The following GNPTAB variants were observed in gnomAD, a reference collection of about 807,000 sequenced individuals.
GNPTAB encodes the protein N-acetylglucosamine-1-phosphotransferase subunits alpha/beta.
A neutral mutation model predicts 136.6 loss-of-function variants in GNPTAB; 92 were observed. The ratio of observed to expected loss-of-function variants is 0.67; its 90% CI spans 0.57 to 0.80. The LOEUF is 0.80. GNPTAB is among the 30% of genes least tolerant of loss of function. The pLI is 0.00. For synonymous variants in GNPTAB, 512 were observed against 535.1 expected (o/e 0.96, Z 0.60); for missense variants, 1,343 against 1,501.8 (o/e 0.89, Z 1.75).
intron 1 of GNPTAB, among the ~76,000 whole-genome samples, chr12:101,798,943 A>G (rs1869455551): frequency 6.6e-6 from 1 of 152,344 alleles, no homozygotes; most frequent in Middle Eastern, 3.4e-3. Context: ...AAGTCATGTC[A>G]TTACAAGAAA....
chr12:101,803,364 A>C (rs1431181053), intron 1 of GNPTAB, among the ~76,000 whole-genome samples: 1 of 152,224 alleles, frequency 6.6e-6, no homozygotes, highest in Non-Finnish European at 1.5e-5. Flanking sequence ...TTAACCAGGA[A>C]GTAAAATCTG....
chr12:101,762,785 T>C (rs1258689954), intron 13 of GNPTAB, among the ~76,000 whole-genome samples: 1 of 151,682 alleles, frequency 6.6e-6, no homozygotes, highest in Admixed American at 6.6e-5. Flanking sequence ...CCCATCAAAC[T>C]ATTAACAGCA....
rs757775614 is a variant in GNPTAB, at chr12:101,764,443, G to GT, written c.2473dup (p.Thr825AsnfsTer37). The stretch of plus-strand genomic sequence containing the variant: ...TTCTTTTGTCACATTTCCGCCTATG[G>GT]TTTTTTGGGTGTGAGTTTCCACTCT... On this transcript the variant is annotated frameshift_variant, in exon 13 of 21. Transcript: ENST00000299314. LOFTEE classifies it high-confidence loss of function. 6.2e-7 allele frequency: 1 copy of GT among 1,613,472 alleles called. No homozygotes were observed. The highest frequency in any genetic ancestry group is 8.5e-7 in the Non-Finnish European group (1 of 1,180,002).
At chr12:101,798,598 T>G (rs1468444647) in intron 1 of GNPTAB, among the ~76,000 whole-genome samples, 1 of 152,236 alleles carries the variant, frequency 6.6e-6, no homozygotes, top group East Asian at 1.9e-4. Flanking sequence ...ATGGTACCGT[T>G]TGCAATTGAG....
chr12:101,821,037 G>A (rs532978840), intron 1 of GNPTAB, among the ~76,000 whole-genome samples: 51 of 145,666 alleles, frequency 3.5e-4, no homozygotes, highest in African/African-American at 9.0e-4. Flanking sequence ...CAGACTGGGC[G>A]GCAGAGTGAG....
At chr12:101,772,230 C>T (rs1328608146) in intron 7 of GNPTAB, among the ~76,000 whole-genome samples, 1 of 152,322 alleles carries the variant, frequency 6.6e-6, no homozygotes, top group Middle Eastern at 3.4e-3. Flanking sequence ...GGCCTGAAAA[C>T]CACAAATGTA....
In GNPTAB at chr12:101,761,627, C is replaced by T. The variant is rs777346722; in HGVS notation, c.2852G>A (p.Arg951Gln). Residue 951 changes from arginine (R) to glutamine (Q), a missense_variant, in exon 14 of 21, where the codon CGG becomes CAG. Coordinates refer to ENST00000299314, the MANE Select transcript of GNPTAB (RefSeq NM_024312.5). ...GTGAGGCATGTGAGCAGGGACTTTC[C>T]GCGATGTGAATCCAAACTTGCTATT... ...ILNSKFGFTSRKVPAHMPHMI... is the reference protein window; with the variant it reads ...ILNSKFGFTSQKVPAHMPHMI... 8 of 1,614,098 alleles carry T rather than the reference C, an allele frequency of 5.0e-6. No individual in the cohort carries two copies. Among genetic ancestry groups the T allele is most frequent in the South Asian group, 1.1e-5 (1 of 91,086 alleles).
intron 4 of GNPTAB, 87 bp downstream of exon 4, chr12:101,788,461 C>T (rs564957137): frequency 2.3e-6 from 2 of 852,480 alleles, no homozygotes; most frequent in South Asian, 2.7e-5. Flanking sequence ...ACACAAAATC[C>T]TGTGTACCCA....
chr12:101,827,773 T>C (rs1871169690), intron 1 of GNPTAB, among the ~76,000 whole-genome samples: 1 of 152,188 alleles, frequency 6.6e-6, no homozygotes, highest in African/African-American at 2.4e-5. Context: ...GAGACCAGCC[T>C]GGCCAACATG....
In GNPTAB at chr12:101,764,877, T is replaced by C. The variant is rs368743268; in HGVS notation, c.2040A>G (p.Arg680=). 4.3e-6 allele frequency: 7 copies of C among 1,614,192 alleles called. No individual in the cohort carries two copies. Among genetic ancestry groups the C allele is most frequent in the African/African-American group, 2.7e-5 (2 of 75,050 alleles). The change falls in exon 13 of 21, where the codon AGA becomes AGG. Residue 680 remains arginine, a synonymous_variant. Transcript: ENST00000299314. ...CTCTCCTTGTTGAGTTAACATCATGTCTCTTAAACTTCGGGAAGCGTTTTT... is the reference window on the plus strand; with the variant it reads ...CTCTCCTTGTTGAGTTAACATCATGCCTCTTAAACTTCGGGAAGCGTTTTT... ...PKEKRFPKFK[R]HDVNSTRRAQ... is the part of the protein sequence containing the mutation.
intron 7 of GNPTAB, chr12:101,773,318 A>C (rs985855138): frequency 1.1e-4 from 29 of 262,114 alleles, no homozygotes; most frequent in African/African-American, 6.0e-4. Context: ...CATGCTCTCC[A>C]CCTGCTCCCT....
At chr12:101,757,877 C>T (rs1177136329) in intron 16 of GNPTAB, among the ~76,000 whole-genome samples, 1 of 152,086 alleles carries the variant, frequency 6.6e-6, no homozygotes, top group Non-Finnish European at 1.5e-5. Context: ...TTTTCACAAA[C>T]CAAACCTGAA....
intron 5 of GNPTAB, among the ~76,000 whole-genome samples, chr12:101,783,132 T>A (rs930471991): frequency 1.3e-5 from 2 of 151,926 alleles, no homozygotes; most frequent in African/African-American, 4.8e-5. Context: ...TCCACCAAGA[T>A]GTAAACACAA....
In GNPTAB at chr12:101,775,591, C is replaced by A. The variant is rs923194038; in HGVS notation, c.772-4434G>T. On this transcript the variant is annotated intron_variant, in intron 7 of 20. Coordinates refer to ENST00000299314, the MANE Select transcript of GNPTAB (RefSeq NM_024312.5). ...TGTTGGCCAGGATGGTCTCAATCTC[C>A]TGACCTCATGATCTGCCCGCCTCGG... 1.3e-5 allele frequency among the ~76,000 whole-genome samples: 2 copies of A among 152,064 alleles called. 1 individual carries two copies. Among genetic ancestry groups the A allele is most frequent in the Admixed American group, 1.3e-4 (2 of 15,260 alleles).
Position 101,747,019 on chromosome 12 carries a change from T to C in GNPTAB, c.*145A>G. The C allele has an allele frequency of 1.5e-6, 1 of 679,770 alleles. No homozygotes were observed. Among genetic ancestry groups the C allele is most frequent in the Admixed American group, 2.1e-5 (1 of 47,984 alleles). 42.1% of individuals were successfully genotyped at this position (679,770 alleles called of 1,614,324 possible). ...AATAATTCCTGGTCAGTGGGCTATA[T>C]TCATGCCACAAAACAGCATGGTACT... On this transcript the variant is annotated 3_prime_UTR_variant, in exon 21 of 21. Coordinates refer to ENST00000299314, the MANE Select transcript of GNPTAB (RefSeq NM_024312.5).
chr12:101,761,140 G>A lies in GNPTAB; in HGVS notation c.3122C>T (p.Pro1041Leu), dbSNP rs1250137388. The A allele has an allele frequency of 3.1e-6, 5 of 1,611,466 alleles. No individual in the cohort carries two copies. The highest frequency in any genetic ancestry group is 2.2e-5 in the South Asian group (2 of 91,022). The change falls in exon 15 of 21, where the codon CCG becomes CTG. Residue 1041 changes from proline (P) to leucine (L), a missense_variant. Physicochemically the swap from Pro to Leu is moderately conservative, Grantham distance 98 (BLOSUM62 -3). Transcript: ENST00000299314. Reference sequence around the variant, plus strand: ...ACAATACAACACCTGCAAACTTAACGGCAGTTCGTGAATTCTGGTAGCCAG... The same window carrying A: ...ACAATACAACACCTGCAAACTTAACAGCAGTTCGTGAATTCTGGTAGCCAG... ...RTLATRIHEL[P>L]LSLQDLTGLE...
intron 2 of GNPTAB, 163 bp downstream of exon 2, chr12:101,796,514 A>G (rs376712565): frequency 1.6e-6 from 1 of 631,254 alleles, no homozygotes; most frequent in South Asian, 1.9e-5. Context: ...TTTTTTTAGT[A>G]TATGTGCTGC....
At position 101,749,133 on chromosome 12, in the gene GNPTAB, TAATC is replaced by T; in HGVS notation, c.3657_3660del (p.Ile1220CysfsTer12). 1.2e-6 allele frequency: 2 copies of T among 1,611,506 alleles called. No homozygotes were observed. Among genetic ancestry groups the T allele is most frequent in the Non-Finnish European group, 1.7e-6 (2 of 1,177,820 alleles). The stretch of plus-strand genomic sequence containing the variant: ...GCAAAAAATGAGAATATAGTAAACA[TAATC>T]AATGTTGCTAGTACACAATGGGTCC... On this transcript the variant is annotated frameshift_variant, in exon 20 of 21. Transcript: ENST00000299314. LOFTEE classifies it high-confidence loss of function.
At chr12:101,822,074 C>T (rs1398651327) in intron 1 of GNPTAB, among the ~76,000 whole-genome samples, 3 of 152,180 alleles carry the variant, frequency 2.0e-5, no homozygotes, top group Non-Finnish European at 4.4e-5. Context: ...CTGAGCACGG[C>T]GGTGGCTGTG....
Sources: gnomAD v4.1 joint callset for allele counts (sites outside exome capture counted in the v4.1 genomes callset) on GRCh38, gnomAD v4.1.1 for gene constraint, MANE v1.5 for transcripts, NCBI Gene and HGNC (gene_info 2026-07-23, HGNC 2026-07-21) for gene names.